SHLD2: variants seen among roughly 807,000 people sequenced by gnomAD.
SHLD2 encodes RINN1-REV7-interacting novel NHEJ regulator 2.
In SHLD2, 30 loss-of-function variants were observed where a neutral mutation model predicts 73.2. That is an observed-to-expected ratio of 0.41 (90% CI 0.31 to 0.56). The LOEUF is 0.56. SHLD2 is among the 20% of genes least tolerant of loss of function. SHLD2 has a pLI of 0.28. For synonymous variants in SHLD2, 285 were observed against 370.1 expected (o/e 0.77, Z 2.64); for missense variants, 745 against 1,055.9 (o/e 0.71, Z 4.08).
chr10:87,113,466 G>T (rs989087507), intron 2 of SHLD2, among the ~76,000 whole-genome samples: 2 of 152,190 alleles, frequency 1.3e-5, no homozygotes, highest in African/African-American at 4.8e-5. Context: ...AGCCACGAAA[G>T]ATCACATATT....
chr10:87,174,838 C>T (rs1389914283), intron 6 of SHLD2, among the ~76,000 whole-genome samples: 1 of 151,940 alleles, frequency 6.6e-6, no homozygotes, highest in African/African-American at 2.4e-5. Flanking sequence ...GAATTGTGGC[C>T]GGCGTGGTGG....
At chr10:87,125,910 A>G (rs1238505575) in intron 2 of SHLD2, among the ~76,000 whole-genome samples, 2 of 152,084 alleles carry the variant, frequency 1.3e-5, no homozygotes, top group African/African-American at 4.8e-5. Flanking sequence ...CTGGGCTACA[A>G]GAGTGAGACT....
At chr10:87,109,810 T>G (rs1842814446) in intron 2 of SHLD2, among the ~76,000 whole-genome samples, 1 of 152,216 alleles carries the variant, frequency 6.6e-6, no homozygotes, top group Non-Finnish European at 1.5e-5. Flanking sequence ...TTTTCTTGAT[T>G]TGGTTGGTGA....
chr10:87,189,163 G>A (rs1352853945), intron 9 of SHLD2, among the ~76,000 whole-genome samples: 2 of 152,012 alleles, frequency 1.3e-5, no homozygotes, highest in Non-Finnish European at 2.9e-5. Flanking sequence ...CACCATGCCC[G>A]GCTAATTTTG....
chr10:87,166,428 GTA>G (rs1847207402), intron 4 of SHLD2, among the ~76,000 whole-genome samples: 1 of 151,978 alleles, frequency 6.6e-6, no homozygotes, highest in Non-Finnish European at 1.5e-5. Flanking sequence ...ATGTAACAAA[GTA>G]TGTGCAAGAC....
intron 2 of SHLD2, among the ~76,000 whole-genome samples, chr10:87,101,946 A>G (rs1842293598): frequency 6.6e-6 from 1 of 152,076 alleles, no homozygotes; most frequent in South Asian, 2.1e-4. Flanking sequence ...ATTCATTCTG[A>G]TATTTACTTT....
At position 87,142,907 on chromosome 10, in the gene SHLD2, T is replaced by A. The variant is rs1041282489; in HGVS notation, c.-5-8443T>A. On this transcript the variant is annotated intron_variant, in intron 2 of 9. Transcript: ENST00000298786. ...TCATGATTACTAGTCTTAAATTCAG[T>A]CCTTTTTATTTTTACTTTTTTTTTT... Among the ~76,000 whole-genome samples the A allele has an allele frequency of 2.0e-5, 3 of 147,696 alleles. No homozygotes were observed. The Admixed American group carries it at 2.0e-4, about 10-fold the overall frequency.
At chr10:87,154,390 T>A (rs1242829850) in intron 3 of SHLD2, 1 of 151,356 alleles carries the variant, frequency 6.6e-6, no homozygotes, top group African/African-American at 2.4e-5. Context: ...AATATTTTTT[T>A]TTTTTTTTTT....
At chr10:87,096,036 T>G (rs1841843991) in intron 1 of SHLD2, among the ~76,000 whole-genome samples, 1 of 152,226 alleles carries the variant, frequency 6.6e-6, no homozygotes, top group Non-Finnish European at 1.5e-5. Flanking sequence ...ATATGATTTA[T>G]TTTTTATTTT....
At chr10:87,137,471 A>G (rs1384862712) in intron 2 of SHLD2, among the ~76,000 whole-genome samples, 3 of 152,160 alleles carry the variant, frequency 2.0e-5, no homozygotes, top group African/African-American at 7.2e-5. Context: ...GTTTATGGAC[A>G]TAGCAGAAGA....
chr10:87,135,319 C>T (rs1286541018), intron 2 of SHLD2, among the ~76,000 whole-genome samples: 1 of 152,042 alleles, frequency 6.6e-6, no homozygotes, highest in Non-Finnish European at 1.5e-5. Flanking sequence ...TTGGTTTTGG[C>T]ATTTTCTTAG....
At chr10:87,144,937 CTTTTTTTTTTTT>C (rs1178507966) in intron 2 of SHLD2, among the ~76,000 whole-genome samples, 2 of 72,028 alleles carry the variant, frequency 2.8e-5, no homozygotes, top group African/African-American at 1.3e-4. Flanking sequence ...GCCTGTAATT[CTTTTTTTTTTTT>C]TTTTTTTTTG....
At chr10:87,164,445 A>T (rs910626848) in intron 4 of SHLD2, among the ~76,000 whole-genome samples, 1 of 150,344 alleles carries the variant, frequency 6.7e-6, no homozygotes, top group African/African-American at 2.5e-5. Context: ...TAGAGACTGG[A>T]TTTCACCATG....
chr10:87,094,701 G>A (rs1377634890), upstream of SHLD2: 1 of 1,498,170 alleles, frequency 6.7e-7, no homozygotes, highest in Non-Finnish European at 8.9e-7. The surrounding 1 kb of genome is among the most constrained non-coding windows in gnomAD (Gnocchi z 6.6). Flanking sequence ...CCGAGTCGGC[G>A]GACGCCGAGC....
At chr10:87,117,209 C>T (rs1398134293) in intron 2 of SHLD2, among the ~76,000 whole-genome samples, 3 of 151,918 alleles carry the variant, frequency 2.0e-5, no homozygotes, top group Admixed American at 6.6e-5. Context: ...CACCTGAGGT[C>T]GGGAGTTTGA....
At chr10:87,141,895 G>A (rs1302512833) in intron 2 of SHLD2, among the ~76,000 whole-genome samples, 4 of 152,070 alleles carry the variant, frequency 2.6e-5, no homozygotes, top group Non-Finnish European at 5.9e-5. Context: ...GCTGGGTGTG[G>A]TGGTGCATGC....
At chr10:87,189,867 G>A (rs1216302879) in intron 9 of SHLD2, among the ~76,000 whole-genome samples, 1 of 152,168 alleles carries the variant, frequency 6.6e-6, no homozygotes, top group Non-Finnish European at 1.5e-5. Flanking sequence ...ATATGCATAA[G>A]TAACTGTGAT....
intron 1 of SHLD2, among the ~76,000 whole-genome samples, chr10:87,095,883 A>G (rs1841828819): frequency 6.6e-6 from 1 of 152,100 alleles, no homozygotes; most frequent in East Asian, 1.9e-4. Flanking sequence ...GTGAGCTACG[A>G]TAGCTCCACT....
At chr10:87,144,749 C>A (rs1349021488) in intron 2 of SHLD2, among the ~76,000 whole-genome samples, 3 of 147,410 alleles carry the variant, frequency 2.0e-5, no homozygotes, top group African/African-American at 7.5e-5. Context: ...GCCTCAGCCT[C>A]CAGAGTAGCT....
Sources: gnomAD v4.1 joint callset for allele counts (sites outside exome capture counted in the v4.1 genomes callset) on GRCh38, gnomAD v4.1.1 for gene constraint, Gnocchi (gnomAD v3.1) non-coding constraint, MANE v1.5 for transcripts, NCBI Gene and HGNC (gene_info 2026-07-23, HGNC 2026-07-21) for gene names.